Variants in SMARCC1 observed in about 807,000 individuals in gnomAD.
SMARCC1 encodes the protein SWI/SNF complex subunit SMARCC1.
Under a neutral mutation model 147.4 loss-of-function variants are expected in SMARCC1, and 43 were observed. That is an observed-to-expected ratio of 0.29 (90% CI 0.23 to 0.38). The LOEUF is 0.38. Among genes scored for constraint, SMARCC1 ranks in the 10% least tolerant of loss-of-function variants. The pLI is 1.00. For missense variants in SMARCC1, 1,119 were observed against 1,381.1 expected (o/e 0.81, Z 3.01); for synonymous variants, 495 against 484.4 (o/e 1.02, Z -0.29).
At position 47,588,214 on chromosome 3, in the gene SMARCC1, G is replaced by A. The variant is rs756877948; in HGVS notation, c.3313C>T (p.Pro1105Ser). The A allele has an allele frequency of 2.5e-6, 4 of 1,612,960 alleles. No individual in the cohort carries two copies. Among genetic ancestry groups the A allele is most frequent in the South Asian group, 2.2e-5 (2 of 91,044 alleles). The change falls in exon 28 of 28, where the codon CCT becomes TCT. Residue 1105 changes from proline (P) to serine (S), a missense_variant. Coordinates refer to ENST00000254480, the MANE Select transcript of SMARCC1 (RefSeq NM_003074.4). ...GGTTCCCTGCATCTTCCAGGCTAAG[G>A]AGCAGCTGAGGCTGGCGGGCCAGGA... ...PAPGPPASAA[P>S]
intron 24 of SMARCC1, among the ~76,000 whole-genome samples, chr3:47,626,276 AGCT>A (rs1032172770): frequency 2.8e-4 from 42 of 151,932 alleles, no homozygotes; most frequent in Admixed American, 2.6e-3. Flanking sequence ...TCTCCTGAAC[AGCT>A]GGGATTACAG....
At chr3:47,748,995 C>T (rs1038848009) in intron 2 of SMARCC1, among the ~76,000 whole-genome samples, 1 of 151,380 alleles carries the variant, frequency 6.6e-6, no homozygotes, top group Non-Finnish European at 1.5e-5. Flanking sequence ...CATAGTGAGA[C>T]CTCATCTGTT....
chr3:47,658,383 A>C (rs1001271568), intron 21 of SMARCC1, among the ~76,000 whole-genome samples: 1 of 152,230 alleles, frequency 6.6e-6, no homozygotes, highest in Non-Finnish European at 1.5e-5. Context: ...GTAAAACTTA[A>C]AACATTTTCG....
chr3:47,710,569 G>A, intron 9 of SMARCC1, 114 bp downstream of exon 9: 2 of 1,017,542 alleles, frequency 2.0e-6, no homozygotes, highest in Non-Finnish European at 1.4e-6. Context: ...CAGCCATCAG[G>A]CAGATGTGAA....
chr3:47,753,627 G>A (rs1225489575), intron 2 of SMARCC1, among the ~76,000 whole-genome samples: 1 of 136,370 alleles, frequency 7.3e-6, no homozygotes, highest in African/African-American at 2.7e-5. Flanking sequence ...GGCAGGAATC[G>A]CTTGAATTCG....
intron 14 of SMARCC1, among the ~76,000 whole-genome samples, chr3:47,682,065 C>G (rs1422238222): frequency 6.6e-6 from 1 of 151,798 alleles, no homozygotes; most frequent in African/African-American, 2.4e-5. Context: ...GAAATTCACA[C>G]ACACACTTTT....
chr3:47,646,517 T>C (rs999536784), intron 21 of SMARCC1, among the ~76,000 whole-genome samples: 2 of 152,210 alleles, frequency 1.3e-5, no homozygotes, highest in Admixed American at 1.3e-4. Context: ...AGTAATAACA[T>C]GGTTAGCAAA....
intron 16 of SMARCC1, 53 bp downstream of exon 16, chr3:47,678,145 T>C: frequency 1.9e-6 from 2 of 1,028,096 alleles, no homozygotes; most frequent in South Asian, 3.0e-5. Flanking sequence ...TTAGACAGCA[T>C]GCATAAGTAA....
chr3:47,685,929 C>G lies in SMARCC1; in HGVS notation c.1385+120G>C, dbSNP rs186712527. 6.7e-6 allele frequency: 5 copies of G among 747,792 alleles called. No individual in the cohort carries two copies. The Admixed American group carries it at 1.2e-4, about 18-fold the overall frequency. 46.3% of individuals were successfully genotyped at this position (747,792 alleles called of 1,614,324 possible). A position where few individuals can be genotyped will look rare whatever the true frequency, so the allele number is the denominator to read the frequency against. On this transcript the variant is annotated intron_variant, in intron 14 of 27. Transcript: ENST00000254480. ...AAGATAAAAATCACTCTCCATCTCCCTTCATCCAAAGTGATAGTAATTTCT... is the reference window on the plus strand; with the variant it reads ...AAGATAAAAATCACTCTCCATCTCCGTTCATCCAAAGTGATAGTAATTTCT...
intron 24 of SMARCC1, among the ~76,000 whole-genome samples, chr3:47,627,001 T>G (rs1443522735): frequency 1.3e-5 from 2 of 152,196 alleles, no homozygotes; most frequent in African/African-American, 4.8e-5. Context: ...ATGACTCAAT[T>G]GATACATGTA....
chr3:47,613,436 T>G (rs1209813946), intron 25 of SMARCC1, among the ~76,000 whole-genome samples: 1 of 148,766 alleles, frequency 6.7e-6, no homozygotes, highest in Non-Finnish European at 1.5e-5. Context: ...CAGGCTAGAG[T>G]GCAGTGGTCG....
chr3:47,714,390 A>C (rs1164936220), intron 8 of SMARCC1, 25 bp downstream of exon 8: 1 of 1,412,536 alleles, frequency 7.1e-7, no homozygotes, highest in Admixed American at 1.8e-5. Context: ...GATTATTGTA[A>C]GATTTTTTTT....
In SMARCC1 at chr3:47,671,194, A is replaced by AC. The variant is rs1478871096; in HGVS notation, c.1840-478_1840-477insG. Among the ~76,000 whole-genome samples the AC allele has an allele frequency of 6.0e-4, 89 of 148,376 alleles. 2 individuals carry two copies. The Middle Eastern group carries it at 9.5e-3, about 16-fold the overall frequency. On this transcript the variant is annotated intron_variant, in intron 18 of 27. Coordinates refer to ENST00000254480, the MANE Select transcript of SMARCC1 (RefSeq NM_003074.4). ...ATCTCAAAAAAAAAAAAAAAAAAAA[A>AC]AAAACACACACAAAAACCAAAACCA...
chr3:47,655,226 T>G (rs1468342441), intron 21 of SMARCC1, among the ~76,000 whole-genome samples: 1 of 152,178 alleles, frequency 6.6e-6, no homozygotes, highest in Admixed American at 6.5e-5. Context: ...TTATCTTTAT[T>G]CTAAGAGTAA....
intron 21 of SMARCC1, among the ~76,000 whole-genome samples, chr3:47,644,654 T>C (rs1299736802): frequency 6.6e-6 from 1 of 151,914 alleles, no homozygotes; most frequent in Non-Finnish European, 1.5e-5. Context: ...ATTACAGGTG[T>C]CAGCCACCAG....
At position 47,610,154 on chromosome 3, in the gene SMARCC1, T is replaced by C. The variant is rs542649369; in HGVS notation, c.2955A>G (p.Ala985=). ...GATGAGGCATCATGCCAGGGTGCCC[T>C]GCTGCTCCAAGTGGGGCCAGGCCAG... is the stretch of plus-strand genomic sequence containing the variant. ...GGPGLAPLGA[A]GHPGMMPHQQ... Residue 985 remains alanine (A), a synonymous_variant, in exon 26 of 28, where the codon GCA becomes GCG. Transcript: ENST00000254480. The C allele has an allele frequency of 1.2e-6, 2 of 1,613,966 alleles. No individual in the cohort carries two copies. The highest frequency in any genetic ancestry group is 1.1e-5 in the South Asian group (1 of 91,066).
chr3:47,684,926 C>T (rs554864610), intron 14 of SMARCC1, among the ~76,000 whole-genome samples: 26 of 152,122 alleles, frequency 1.7e-4, no homozygotes, highest in South Asian at 1.0e-3. Context: ...TTAACAAAAA[C>T]CAATAATAAA....
At chr3:47,721,529 C>T (rs2034232799) in intron 6 of SMARCC1, among the ~76,000 whole-genome samples, 1 of 152,004 alleles carries the variant, frequency 6.6e-6, no homozygotes, top group Non-Finnish European at 1.5e-5. Flanking sequence ...GAAGTAAGCC[C>T]CCTTAAAGCC....
At chr3:47,735,902 G>T (rs953541991) in intron 5 of SMARCC1, 132 bp downstream of exon 5, 3 of 379,028 alleles carry the variant, frequency 7.9e-6, no homozygotes, top group Non-Finnish European at 9.3e-6. Context: ...AAAAACTCAA[G>T]AAAAAAATTT....
Sources: gnomAD v4.1 joint callset for allele counts (sites outside exome capture counted in the v4.1 genomes callset) on GRCh38, gnomAD v4.1.1 for gene constraint, MANE v1.5 for transcripts, NCBI Gene and HGNC (gene_info 2026-07-23, HGNC 2026-07-21) for gene names.